The following SUGT1 variants were observed in gnomAD, a reference collection of about 807,000 sequenced individuals.
The protein encoded by SUGT1 is protein SGT1 homolog.
In SUGT1, 15 loss-of-function variants were observed where a neutral mutation model predicts 56.1. The observed-to-expected ratio is 0.27, with a 90% CI of 0.18 to 0.41. The LOEUF (loss-of-function observed/expected upper bound fraction) is 0.41. Ranked by LOEUF, SUGT1 falls within the 10% of genes least tolerant of loss-of-function variation. The pLI is 1.00. For synonymous variants in SUGT1, 123 were observed against 128.6 expected, an observed-to-expected ratio of 0.96 and a Z score of 0.30; for missense variants, 347 against 382.2, an observed-to-expected ratio of 0.91 and a Z score of 0.77.
intron 3 of SUGT1, 53 bp from the exon 4 acceptor site, chr13:52,658,346 T>A: frequency 1.2e-6 from 2 of 1,600,260 alleles, no homozygotes; most frequent in South Asian, 2.3e-5. Context: ...ATGTTGTGTG[T>A]ATTTGCTAGG....
At position 52,700,198 on chromosome 13, in the gene SUGT1, C is replaced by G. The variant is rs748959257; in HGVS notation, c.*12363C>G. The stretch of plus-strand genomic sequence containing the variant: ...CCCAGTCCCATTACTGATTTTTATT[C>G]CTCTGTGATAACATACACCCAAATA... On this transcript the variant is annotated 3_prime_UTR_variant, in exon 13 of 13. Transcript: ENST00000310528. 1 of 152,056 alleles carries G rather than the reference C, an allele frequency of 6.6e-6. No homozygotes were observed. The highest frequency in any genetic ancestry group is 1.5e-5 in the Non-Finnish European group (1 of 68,004). 9.4% of individuals were successfully genotyped at this position (152,056 alleles called of 1,614,324 possible).
Position 52,692,427 on chromosome 13 carries a change from T to G in SUGT1, c.*4592T>G, listed in dbSNP as rs78257038. On this transcript the variant is annotated 3_prime_UTR_variant, in exon 13 of 13. Coordinates refer to ENST00000310528, the MANE Select transcript of SUGT1 (RefSeq NM_006704.5). ...AGAACTAATTCTTTTTTTTTTTTTTTTTGAGACAGTCTCACTCTGTCGTTC... is the reference window on the plus strand; with the variant it reads ...AGAACTAATTCTTTTTTTTTTTTTTGTTGAGACAGTCTCACTCTGTCGTTC... 9.5e-6 allele frequency: 1 copy of G among 105,106 alleles called. No homozygotes were observed. Among genetic ancestry groups the G allele is most frequent in the Admixed American group, 1.0e-4 (1 of 9,646 alleles). 6.5% of individuals were successfully genotyped at this position (105,106 alleles called of 1,614,324 possible).
At chr13:52,679,356 T>C (rs1963278320) in intron 11 of SUGT1, among the ~76,000 whole-genome samples, 1 of 152,344 alleles carries the variant, frequency 6.6e-6, no homozygotes, top group South Asian at 2.1e-4. Context: ...GATGTGGGCA[T>C]TGAACTTTAG....
Position 52,698,088 on chromosome 13 carries a change from AG to A in SUGT1, c.*10256del, listed in dbSNP as rs771607930. 1 of 152,258 alleles carries A rather than the reference AG, an allele frequency of 6.6e-6. No individual in the cohort carries two copies. Among genetic ancestry groups the A allele is most frequent in the Non-Finnish European group, 1.5e-5 (1 of 68,050 alleles). The allele number at this position is 152,258 out of a possible 1,614,324, so 9.4% of individuals were successfully genotyped here. ...GATTGGAGAATGACCGGTTGTGAAC[AG>A]GGACTTAGGAATATGTGTAGCATAG... On this transcript the variant is annotated 3_prime_UTR_variant, in exon 13 of 13. Coordinates refer to ENST00000310528, the MANE Select transcript of SUGT1 (RefSeq NM_006704.5).
In SUGT1 at chr13:52,700,630, A is replaced by C. The variant is rs147928513; in HGVS notation, c.*12795A>C. On this transcript the variant is annotated 3_prime_UTR_variant, in exon 13 of 13. Transcript: ENST00000310528. ...CTCTGCCTGTAAAATGTTTTTGCTG[A>C]AATTTGTATCATTAACTCTCAAATT... 7.8e-4 allele frequency: 119 copies of C among 152,288 alleles called. No individual in the cohort carries two copies. The highest frequency in any genetic ancestry group is 2.8e-3 in the African/African-American group (118 of 41,572). 9.4% of individuals were successfully genotyped at this position (152,288 alleles called of 1,614,324 possible). A position where few individuals can be genotyped will look rare whatever the true frequency, so the allele number is the denominator to read the frequency against.
chr13:52,653,222 T>C, intron 2 of SUGT1, 119 bp downstream of exon 2: 1 of 1,198,976 alleles, frequency 8.3e-7, no homozygotes. Flanking sequence ...TTGTTGATGC[T>C]GCGTCTCAGC....
Position 52,652,840 on chromosome 13 carries a change from A to T in SUGT1, c.-81A>T. 1.3e-6 allele frequency: 2 copies of T among 1,560,278 alleles called. No individual in the cohort carries two copies. Among genetic ancestry groups the T allele is most frequent in the South Asian group, 2.3e-5 (2 of 85,796 alleles). On this transcript the variant is annotated 5_prime_UTR_variant, in exon 1 of 13. Transcript: ENST00000310528. The stretch of plus-strand genomic sequence containing the variant: ...ACGGAAGCTCGGTTGGTGTTTCTCC[A>T]GAAGTTTCCCCCTTGGGCGGTGGTG...
At chr13:52,663,399 C>A (rs565293759) in intron 7 of SUGT1, among the ~76,000 whole-genome samples, 2 of 152,118 alleles carry the variant, frequency 1.3e-5, no homozygotes, top group Admixed American at 1.3e-4. Flanking sequence ...TTACTAAAAC[C>A]TTATTGCATT....
chr13:52,677,788 A>AT (rs34734640), intron 11 of SUGT1, among the ~76,000 whole-genome samples: 145,626 of 152,206 alleles, frequency 0.96, 69,683 homozygotes, highest in East Asian at 0.99. Context: ...ATGAGTATCT[A>AT]GTAGTTATTT....
chr13:52,667,156 T>C (rs9563113), intron 10 of SUGT1, among the ~76,000 whole-genome samples: 67,004 of 151,978 alleles, frequency 0.44, 15,240 homozygotes, highest in East Asian at 0.75. Flanking sequence ...AAGACAGATA[T>C]AATGTTTTTC....
chr13:52,675,555 A>G (rs949728544), intron 10 of SUGT1, among the ~76,000 whole-genome samples: 1 of 152,160 alleles, frequency 6.6e-6, no homozygotes, highest in Non-Finnish European at 1.5e-5. Flanking sequence ...CCAGCCTGGG[A>G]GACAGAGCAA....
At chr13:52,661,394 G>T (rs1238148169) in intron 5 of SUGT1, 2 of 194,110 alleles carry the variant, frequency 1.0e-5, no homozygotes, top group African/African-American at 4.8e-5. Context: ...TCAAGTTCAG[G>T]TGATTCTCCT....
chr13:52,661,416 C>G (rs1962443930), intron 5 of SUGT1: 1 of 221,596 alleles, frequency 4.5e-6, no homozygotes, highest in African/African-American at 2.4e-5. Context: ...CCTCAACCTC[C>G]TGAGCAGCTG....
chr13:52,685,838 G>C (rs1193009666), intron 12 of SUGT1, among the ~76,000 whole-genome samples: 1 of 152,208 alleles, frequency 6.6e-6, no homozygotes, highest in East Asian at 1.9e-4. Flanking sequence ...TCTATTAGGA[G>C]AGATGCGGGG....
chr13:52,677,780 G>A (rs1475893800), intron 11 of SUGT1, among the ~76,000 whole-genome samples: 1 of 12,538 alleles, frequency 8.0e-5, no homozygotes, highest in African/African-American at 3.8e-4. Flanking sequence ...TTGCCGACAT[G>A]AGTATCTAGT....
At chr13:52,677,784 A>G (rs902145546) in intron 11 of SUGT1, among the ~76,000 whole-genome samples, 1 of 12,560 alleles carries the variant, frequency 8.0e-5, no homozygotes, top group Admixed American at 1.1e-3. Flanking sequence ...CGACATGAGT[A>G]TCTAGTAGTT....
In SUGT1 at chr13:52,653,038, C is replaced by T. The variant is rs1364068657; in HGVS notation, c.39-8C>T. On this transcript the variant is annotated splice_region_variant and splice_polypyrimidine_tract_variant and intron_variant, in intron 1 of 12. Coordinates refer to ENST00000310528, the MANE Select transcript of SUGT1 (RefSeq NM_006704.5). ...TGAGCCCTGCTGAAGTCGTTGTTTT[C>T]CTGACAGGTTTTTCCAGAGCTTCTC... The T allele has an allele frequency of 1.2e-6, 2 of 1,614,156 alleles. No individual in the cohort carries two copies. Among genetic ancestry groups the T allele is most frequent in the African/African-American group, 2.7e-5 (2 of 75,050 alleles).
rs916121476 is a variant in SUGT1 at position 52,690,648 on chromosome 13, C to G, written c.*2813C>G. 7.9e-5 allele frequency: 12 copies of G among 152,122 alleles called. No homozygotes were observed. The highest frequency in any genetic ancestry group is 1.8e-4 in the Non-Finnish European group (12 of 68,028). 9.4% of individuals were successfully genotyped at this position (152,122 alleles called of 1,614,324 possible). A position where few individuals can be genotyped will look rare whatever the true frequency, so the allele number is the denominator to read the frequency against. On this transcript the variant is annotated 3_prime_UTR_variant, in exon 13 of 13. Coordinates refer to ENST00000310528, the MANE Select transcript of SUGT1 (RefSeq NM_006704.5). ...TTTGAACTCTGCTATCTAGTAATCTCTTTAGATATCTATACCACAAGTTTG... is the reference window on the plus strand; with the variant it reads ...TTTGAACTCTGCTATCTAGTAATCTGTTTAGATATCTATACCACAAGTTTG...
intron 12 of SUGT1, among the ~76,000 whole-genome samples, chr13:52,684,417 T>C (rs942295403): frequency 2.0e-4 from 5 of 24,538 alleles, no homozygotes; most frequent in African/African-American, 3.8e-4. Flanking sequence ...TCCTCTATTT[T>C]TTTGTTCTAC....
Sources: gnomAD v4.1 joint callset for allele counts (sites outside exome capture counted in the v4.1 genomes callset) on GRCh38, gnomAD v4.1.1 for gene constraint, MANE v1.5 for transcripts, NCBI Gene and HGNC (gene_info 2026-07-23, HGNC 2026-07-21) for gene names.